Variants in PTPRT observed in about 807,000 individuals in gnomAD.
PTPRT encodes protein tyrosine phosphatase receptor type T, also known as receptor-type tyrosine-protein phosphatase T.
Under a neutral mutation model 176.8 loss-of-function variants are expected in PTPRT, and 56 were observed. That is an observed-to-expected ratio of 0.32 (90% CI 0.26 to 0.40). The LOEUF (loss-of-function observed/expected upper bound fraction) is 0.40, where lower values mean the gene tolerates loss of function less well. PTPRT is among the 10% of genes least tolerant of loss of function. The pLI, the probability that PTPRT is intolerant of heterozygous loss-of-function variation, is 1.00. For missense variants in PTPRT, 1,540 were observed against 1,908.2 expected (o/e 0.81, Z 3.60); for synonymous variants, 783 against 739.0 (o/e 1.06, Z -0.96).
intron 16 of PTPRT, among the ~76,000 whole-genome samples, chr20:42,164,024 G>C (rs1989720846): frequency 6.6e-6 from 1 of 152,246 alleles, no homozygotes; most frequent in Non-Finnish European, 1.5e-5. Context: ...ACAAAGCTAT[G>C]GCAAGAGCCA....
chr20:42,331,022 T>C lies in PTPRT; in HGVS notation c.1866-15026A>G, dbSNP rs142285760. On this transcript the variant is annotated intron_variant, in intron 11 of 30. Coordinates refer to ENST00000373187, the MANE Select transcript of PTPRT (RefSeq NM_007050.6). ...CACATTAGGGGACTGGAAAGCTTGC[T>C]GGTTTTTGTTTTGTTTTGTTTTCTA... Among the ~76,000 whole-genome samples, 282 of 152,344 alleles carry C rather than the reference T, an allele frequency of 1.9e-3. 4 individuals carry two copies. The highest frequency in any genetic ancestry group is 6.6e-3 in the African/African-American group (276 of 41,580).
At chr20:42,037,454 C>A in the PTPRT span, among the ~76,000 whole-genome samples, 3 of 152,164 alleles carry the variant, frequency 2.0e-5, no homozygotes, top group Non-Finnish European at 2.9e-5. Flanking sequence ...CATTTAAGAT[C>A]CCCTTTCCTG....
chr20:43,141,604 A>G (rs2014008587), intron 1 of PTPRT, among the ~76,000 whole-genome samples: 1 of 152,230 alleles, frequency 6.6e-6, no homozygotes, highest in African/African-American at 2.4e-5. Flanking sequence ...CAAAGGGTAG[A>G]GAAATAGACT....
chr20:42,805,693 C>T (rs1242885870), intron 2 of PTPRT, among the ~76,000 whole-genome samples: 1 of 152,138 alleles, frequency 6.6e-6, no homozygotes, highest in African/African-American at 2.4e-5. Context: ...ATTTTTAGCT[C>T]ATCTTTCGAG....
the PTPRT span, among the ~76,000 whole-genome samples, chr20:42,065,567 C>T: frequency 3.9e-5 from 6 of 152,212 alleles, no homozygotes; most frequent in South Asian, 2.1e-4. Flanking sequence ...AGGGAATCTC[C>T]CCCATCCCTA....
At chr20:42,965,562 T>C (rs1422118074) in intron 1 of PTPRT, among the ~76,000 whole-genome samples, 1 of 152,184 alleles carries the variant, frequency 6.6e-6, no homozygotes, top group East Asian at 1.9e-4. Flanking sequence ...TCTGAAAATT[T>C]AATAGCTCTT....
intron 9 of PTPRT, among the ~76,000 whole-genome samples, chr20:42,422,019 A>C (rs548559024): frequency 2.0e-5 from 3 of 152,338 alleles, no homozygotes; most frequent in Admixed American, 2.0e-4. Context: ...GACTGAAACT[A>C]AACCTTTTCC....
At chr20:43,127,740 C>A (rs1202035562) in intron 1 of PTPRT, among the ~76,000 whole-genome samples, 1 of 152,102 alleles carries the variant, frequency 6.6e-6, no homozygotes, top group Non-Finnish European at 1.5e-5. Context: ...CTGGGCATTC[C>A]AAAGAGAAAC....
At chr20:42,625,383 G>A (rs1249514451) in intron 7 of PTPRT, among the ~76,000 whole-genome samples, 1 of 151,896 alleles carries the variant, frequency 6.6e-6, no homozygotes, top group Non-Finnish European at 1.5e-5. Flanking sequence ...ACTATGAAGT[G>A]AATTGAAACA....
At chr20:43,115,667 C>T (rs982050216) in intron 1 of PTPRT, among the ~76,000 whole-genome samples, 1 of 152,122 alleles carries the variant, frequency 6.6e-6, no homozygotes, top group Non-Finnish European at 1.5e-5. Context: ...CAAAAAACTG[C>T]CAACCAAAAT....
intron 9 of PTPRT, among the ~76,000 whole-genome samples, chr20:42,395,245 A>C (rs2058838300): frequency 6.6e-6 from 1 of 152,138 alleles, no homozygotes; most frequent in African/African-American, 2.4e-5. Context: ...TTCCTGTTTC[A>C]TAGAGAAAAT....
intron 13 of PTPRT, among the ~76,000 whole-genome samples, chr20:42,265,737 C>A (rs1194497647): frequency 6.6e-6 from 1 of 152,164 alleles, no homozygotes; most frequent in Non-Finnish European, 1.5e-5. Flanking sequence ...GTCACTGAAG[C>A]CTCAGGGTGT....
chr20:42,683,637 T>C (rs539445822), intron 6 of PTPRT, among the ~76,000 whole-genome samples: 1 of 152,344 alleles, frequency 6.6e-6, no homozygotes, highest in African/African-American at 2.4e-5. Flanking sequence ...TCATGACGAC[T>C]TACTTTCGTG....
intron 9 of PTPRT, among the ~76,000 whole-genome samples, chr20:42,389,336 G>A (rs1389964550): frequency 1.3e-5 from 2 of 151,752 alleles, no homozygotes; most frequent in Non-Finnish European, 2.9e-5. Context: ...GGTCCTCCAC[G>A]ATTTATGTTT....
At chr20:42,221,353 G>T (rs1339465959) in intron 15 of PTPRT, among the ~76,000 whole-genome samples, 1 of 152,106 alleles carries the variant, frequency 6.6e-6, no homozygotes, top group Non-Finnish European at 1.5e-5. Flanking sequence ...TTCTCATACT[G>T]CTATAAGTAT....
the PTPRT span, among the ~76,000 whole-genome samples, chr20:42,067,069 T>C: frequency 6.6e-6 from 1 of 152,178 alleles, no homozygotes; most frequent in Non-Finnish European, 1.5e-5. Context: ...TGGTGATGTT[T>C]TCCTGTTTGT....
intron 13 of PTPRT, among the ~76,000 whole-genome samples, chr20:42,276,704 A>T (rs564700739): frequency 2.2e-4 from 33 of 151,112 alleles, no homozygotes; most frequent in Admixed American, 5.3e-4. Context: ...TCTAATTTCC[A>T]ATTATTCCAT....
chr20:42,394,315 T>C (rs1470928335), intron 9 of PTPRT, among the ~76,000 whole-genome samples: 1 of 152,178 alleles, frequency 6.6e-6, no homozygotes, highest in Non-Finnish European at 1.5e-5. Context: ...ATGATAACTA[T>C]TTTCTTCACC....
At chr20:43,120,615 A>G (rs926729644) in intron 1 of PTPRT, among the ~76,000 whole-genome samples, 1 of 152,168 alleles carries the variant, frequency 6.6e-6, no homozygotes, top group African/African-American at 2.4e-5. Flanking sequence ...GAAATTGGTT[A>G]TCTACTTCTG....
Sources: gnomAD v4.1 joint callset for allele counts (sites outside exome capture counted in the v4.1 genomes callset) on GRCh38, gnomAD v4.1.1 for gene constraint, MANE v1.5 for transcripts, NCBI Gene and HGNC (gene_info 2026-07-23, HGNC 2026-07-21) for gene names.